The following NCAM1 variants were observed in gnomAD, a reference collection of about 807,000 sequenced individuals.
The protein encoded by NCAM1 is neural cell adhesion molecule 1, also known as antigen recognized by monoclonal antibody 5.1H11.
A neutral mutation model predicts 109.8 loss-of-function variants in NCAM1; 14 were observed. The observed-to-expected ratio is 0.13, with a 90% CI of 0.08 to 0.20. NCAM1 has a LOEUF of 0.20. NCAM1 is among the 10% of genes least tolerant of loss of function. The pLI, the probability that NCAM1 is intolerant of heterozygous loss-of-function variation, is 1.00. For synonymous variants in NCAM1, 418 were observed against 442.9 expected, an observed-to-expected ratio of 0.94 and a Z score of 0.70; for missense variants, 774 against 1,109.9, an observed-to-expected ratio of 0.70 and a Z score of 4.30.
rs5794851 is a variant in NCAM1 at position 113,173,591 on chromosome 11, GATATATATATATATATATATAT to G, written c.53-28773_53-28752del. 2.6e-4 allele frequency among the ~76,000 whole-genome samples: 33 copies of G among 126,724 alleles called. 1 individual carries two copies. The highest frequency in any genetic ancestry group is 4.7e-4 in the African/African-American group (16 of 34,348). 83.1% of individuals were successfully genotyped at this position (126,724 alleles called of 152,430 possible). The stretch of plus-strand genomic sequence containing the variant: ...TATGACTAATATTAGCATGTTACCT[GATATATATATATATATATATAT>G]ATATATATATATATTTTAGAGGGTG... On this transcript the variant is annotated intron_variant, in intron 1 of 19. Coordinates refer to ENST00000316851, the MANE Select transcript of NCAM1 (RefSeq NM_181351.5).
intron 1 of NCAM1, among the ~76,000 whole-genome samples, chr11:113,111,316 G>A (rs371059076): frequency 6.6e-6 from 1 of 151,952 alleles, no homozygotes; most frequent in Non-Finnish European, 1.5e-5. Context: ...AATTATGTTT[G>A]TAGTAAAAAA....
intron 1 of NCAM1, among the ~76,000 whole-genome samples, chr11:112,997,264 C>T (rs1337561314): frequency 1.3e-5 from 2 of 152,138 alleles, no homozygotes; most frequent in African/African-American, 4.8e-5. Flanking sequence ...AATTAAAAGG[C>T]TACTTTATTT....
rs191208441 is a variant in NCAM1, at chr11:113,104,069, C to T, written c.53-98310C>T. On this transcript the variant is annotated intron_variant, in intron 1 of 19. Transcript: ENST00000316851. ...GAGTGTCCAAGTCCCCTTCTGATCT[C>T]TTCTCTTTTTAGCTTTCTAAACTTA... Among the ~76,000 whole-genome samples the T allele has an allele frequency of 1.3e-3, 192 of 152,118 alleles. 1 individual carries two copies. The highest frequency in any genetic ancestry group is 4.5e-3 in the African/African-American group (186 of 41,516).
chr11:113,093,683 T>C (rs1370822085), intron 1 of NCAM1, among the ~76,000 whole-genome samples: 1 of 152,252 alleles, frequency 6.6e-6, no homozygotes, highest in African/African-American at 2.4e-5. Flanking sequence ...GCATGCTCAG[T>C]ATCTACCAAC....
intron 1 of NCAM1, among the ~76,000 whole-genome samples, chr11:113,015,823 C>A (rs962178328): frequency 6.6e-6 from 1 of 152,114 alleles, no homozygotes; most frequent in Admixed American, 6.6e-5. Flanking sequence ...CAGGAGTAAG[C>A]ATTACACTTA....
chr11:113,189,694 T>C (rs1943618446), intron 1 of NCAM1, among the ~76,000 whole-genome samples: 1 of 152,122 alleles, frequency 6.6e-6, no homozygotes, highest in African/African-American at 2.4e-5. Flanking sequence ...TTTCTGTCTT[T>C]GATTTCACAG....
intron 1 of NCAM1, among the ~76,000 whole-genome samples, chr11:113,012,976 A>G (rs1952109746): frequency 6.6e-6 from 1 of 152,196 alleles, no homozygotes; most frequent in Non-Finnish European, 1.5e-5. Flanking sequence ...GTTCCTCAAT[A>G]ATAATAAAAT....
intron 1 of NCAM1, among the ~76,000 whole-genome samples, chr11:113,112,694 G>A (rs545424879): frequency 3.5e-4 from 54 of 152,276 alleles, no homozygotes; most frequent in Middle Eastern, 3.4e-3. Flanking sequence ...CTTGCTGAAC[G>A]TGGCCAGCCT....
chr11:113,080,119 G>A lies in NCAM1; in HGVS notation c.52+118455G>A, dbSNP rs139524386. Reference sequence around the variant, plus strand: ...GAATAGATTTGGGTTTGAATAAGGCGTGTGAAATTATAGGTTATCGTTTTT... The same window carrying A: ...GAATAGATTTGGGTTTGAATAAGGCATGTGAAATTATAGGTTATCGTTTTT... On this transcript the variant is annotated intron_variant, in intron 1 of 19. Coordinates refer to ENST00000316851, the MANE Select transcript of NCAM1 (RefSeq NM_181351.5). 4.0e-3 allele frequency among the ~76,000 whole-genome samples: 614 copies of A among 152,268 alleles called. 6 individuals are homozygous for A. The East Asian group carries it at 0.044, about 11-fold the overall frequency.
chr11:113,154,235 T>C (rs1942334487), intron 1 of NCAM1, among the ~76,000 whole-genome samples: 1 of 152,052 alleles, frequency 6.6e-6, no homozygotes, highest in Admixed American at 6.5e-5. Flanking sequence ...AGATGAGAAA[T>C]TGGCAATAAC....
At chr11:113,271,228 G>A (rs1315103116) in intron 18 of NCAM1, among the ~76,000 whole-genome samples, 1 of 151,956 alleles carries the variant, frequency 6.6e-6, no homozygotes, top group Admixed American at 6.6e-5. Context: ...AAATTAGCCA[G>A]GCGTGGTGGC....
intron 4 of NCAM1, 27 bp from the exon 5 acceptor site, chr11:113,206,016 G>A (rs782807183): frequency 4.3e-6 from 7 of 1,613,438 alleles, no homozygotes; most frequent in Admixed American, 1.7e-5. Flanking sequence ...CTGATTCTTG[G>A]ATGAACCTGC....
intron 1 of NCAM1, among the ~76,000 whole-genome samples, chr11:113,105,800 G>A (rs1940129439): frequency 6.6e-6 from 1 of 152,158 alleles, no homozygotes; most frequent in African/African-American, 2.4e-5. Flanking sequence ...GGTGTGTTAT[G>A]GGATGATGAA....
At chr11:113,125,635 G>A (rs1941143238) in intron 1 of NCAM1, among the ~76,000 whole-genome samples, 1 of 152,186 alleles carries the variant, frequency 6.6e-6, no homozygotes, top group South Asian at 2.1e-4. Flanking sequence ...CCAAAGGTGG[G>A]CGGTCTGCTC....
At chr11:113,097,845 G>T (rs1407213019) in intron 1 of NCAM1, among the ~76,000 whole-genome samples, 1 of 152,064 alleles carries the variant, frequency 6.6e-6, no homozygotes, top group African/African-American at 2.4e-5. Flanking sequence ...ACAAGCTTTT[G>T]TGTTAAGTGT....
At chr11:113,048,962 A>G (rs1211922134) in intron 1 of NCAM1, among the ~76,000 whole-genome samples, 1 of 152,126 alleles carries the variant, frequency 6.6e-6, no homozygotes, top group Non-Finnish European at 1.5e-5. Flanking sequence ...GTATTGTTCT[A>G]CGGGCTAAGG....
intron 8 of NCAM1, among the ~76,000 whole-genome samples, chr11:113,221,074 A>G (rs1555115198): frequency 6.6e-6 from 1 of 152,206 alleles, no homozygotes; most frequent in East Asian, 1.9e-4. Context: ...AACCTTTTGA[A>G]TTATACATTT....
At chr11:113,201,880 T>C (rs1321995235) in intron 1 of NCAM1, among the ~76,000 whole-genome samples, 1 of 152,190 alleles carries the variant, frequency 6.6e-6, no homozygotes, top group Non-Finnish European at 1.5e-5. Flanking sequence ...AGTGATTGTG[T>C]CCGGACAGCC....
In NCAM1 at chr11:113,257,117, G is replaced by A. The variant is rs374860349; in HGVS notation, c.1953+1116G>A. On this transcript the variant is annotated intron_variant, in intron 16 of 19. Coordinates refer to ENST00000316851, the MANE Select transcript of NCAM1 (RefSeq NM_181351.5). ...GAAATAGTAGGAAAGGCCTGTCACT[G>A]CCCTGAGGCCCAGTCCAGAGATCCC... 4.6e-5 allele frequency among the ~76,000 whole-genome samples: 7 copies of A among 152,324 alleles called. 1 individual carries two copies. Among genetic ancestry groups the A allele is most frequent in the Admixed American group, 1.3e-4 (2 of 15,304 alleles).
Sources: gnomAD v4.1 joint callset for allele counts (sites outside exome capture counted in the v4.1 genomes callset) on GRCh38, gnomAD v4.1.1 for gene constraint, MANE v1.5 for transcripts, NCBI Gene and HGNC (gene_info 2026-07-23, HGNC 2026-07-21) for gene names.